Variants in SH3TC1 observed in about 807,000 individuals in gnomAD.
SH3TC1 encodes SH3 domain and tetratricopeptide repeat-containing protein 1.
SH3TC1 carries 135 observed loss-of-function variants against 117.3 expected under a neutral mutation model. The observed-to-expected ratio is 1.15, with a 90% CI of 1.00 to 1.33. SH3TC1 has a LOEUF of 1.33. Among genes scored for constraint, SH3TC1 ranks in the 40% most tolerant of loss-of-function variants. The pLI, the probability that SH3TC1 is intolerant of heterozygous loss-of-function variation, is 0.00. For synonymous variants in SH3TC1, 898 were observed against 816.9 expected (o/e 1.10, Z -1.69); for missense variants, 2,092 against 1,794.3 (o/e 1.17, Z -3.00).
chr4:8,232,472 T>C lies in SH3TC1; in HGVS notation c.3131+316T>C, dbSNP rs376781293. 54 of 1,451,870 alleles carry C rather than the reference T, an allele frequency of 3.7e-5. No homozygotes were observed. In the African/African-American group the frequency reaches 5.3e-4, roughly 14 times the overall value. 89.9% of individuals were successfully genotyped at this position (1,451,870 alleles called of 1,614,324 possible). On this transcript the variant is annotated intron_variant, in intron 13 of 17. Transcript: ENST00000245105. ...GGCTGTTCTTCCTACCTGGTGGCTT[T>C]TGTCATCTGACCTCTGCCTGCCCCG...
Position 8,218,274 on chromosome 4 carries a change from G to T in SH3TC1, c.843G>T (p.Trp281Cys), listed in dbSNP as rs1719505729. Residue 281 changes from tryptophan (W) to cysteine (C), a missense_variant, in exon 8 of 18, where the codon TGG becomes TGT. Transcript: ENST00000245105. Reference protein sequence around the residue: ...APEPLIPFHQWALRIPQDPID... With the variant: ...APEPLIPFHQCALRIPQDPID... ...GACCTCCCTCTTCCGGCTCCAGGTG[G>T]GCTCTTAGGATCCCCCAGGACCCCA... The T allele has an allele frequency of 6.2e-7, 1 of 1,609,984 alleles. No individual in the cohort carries two copies. The highest frequency in any genetic ancestry group is 1.3e-5 in the African/African-American group (1 of 74,842).
chr4:8,213,020 C>T, intron 4 of SH3TC1, 192 bp downstream of exon 4: 4 of 705,722 alleles, frequency 5.7e-6, no homozygotes, highest in Non-Finnish European at 2.3e-6. Context: ...CTCCCACTTG[C>T]TTTGTGGAGG....
chr4:8,228,363 T>C lies in SH3TC1; in HGVS notation c.2669T>C (p.Leu890Pro), dbSNP rs776854487. Residue 890 changes from leucine to proline, a missense_variant, in exon 12 of 18, where the codon CTG becomes CCG. Physicochemically the swap from Leu to Pro is moderately conservative, Grantham distance 98. Coordinates refer to ENST00000245105, the MANE Select transcript of SH3TC1 (RefSeq NM_018986.5). ...RQAAESYYRA[L>P]RVARDLGQQR... The stretch of plus-strand genomic sequence containing the variant: ...GCAGCTGAGAGCTACTACCGCGCCC[T>C]GCGGGTGGCTCGGGACCTGGGCCAG... The C allele has an allele frequency of 2.5e-6, 4 of 1,611,556 alleles. No individual in the cohort carries two copies. Among genetic ancestry groups the C allele is most frequent in the Non-Finnish European group, 2.5e-6 (3 of 1,179,564 alleles).
intron 1 of SH3TC1, among the ~76,000 whole-genome samples, chr4:8,200,711 G>A (rs899655905): frequency 3.3e-5 from 5 of 152,196 alleles, no homozygotes; most frequent in South Asian, 2.1e-4. Context: ...GTTCTCTCGC[G>A]GCTCTGGAGG....
Position 8,239,384 on chromosome 4 carries a change from C to T in SH3TC1, c.3754-1314C>T, listed in dbSNP as rs557382906. On this transcript the variant is annotated intron_variant, in intron 17 of 17. Transcript: ENST00000245105. ...ACACAGGCACACGCACACACAGGCA[C>T]AGGCCCCATGTACACACAGGCACAT... Among the ~76,000 whole-genome samples the T allele has an allele frequency of 1.3e-3, 186 of 148,692 alleles. 2 individuals are homozygous for T. The highest frequency in any genetic ancestry group is 4.6e-3 in the African/African-American group (180 of 39,222).
intron 1 of SH3TC1, among the ~76,000 whole-genome samples, chr4:8,187,893 A>G (rs1321902649): frequency 6.6e-6 from 1 of 151,972 alleles, no homozygotes. Context: ...CCACTGCTTT[A>G]CCTGTGTTTT....
chr4:8,223,605 A>G (rs1318313515), intron 10 of SH3TC1, among the ~76,000 whole-genome samples: 3 of 152,152 alleles, frequency 2.0e-5, no homozygotes, highest in African/African-American at 7.2e-5. Context: ...GGTGTAGATA[A>G]ACACAAATGT....
At chr4:8,202,524 C>G (rs909297384) in intron 1 of SH3TC1, among the ~76,000 whole-genome samples, 1 of 152,244 alleles carries the variant, frequency 6.6e-6, no homozygotes, top group African/African-American at 2.4e-5. Flanking sequence ...TCCCGGCCCC[C>G]ACAGGTCCTG....
Position 8,227,970 on chromosome 4 carries a change from ACAGCCTCC to A in SH3TC1, c.2278_2285del (p.Ser760CysfsTer122), listed in dbSNP as rs1421214571. 1 of 1,612,150 alleles carries A rather than the reference ACAGCCTCC, an allele frequency of 6.2e-7. No homozygotes were observed. Among genetic ancestry groups the A allele is most frequent in the African/African-American group, 1.3e-5 (1 of 74,852 alleles). On this transcript the variant is annotated frameshift_variant, in exon 12 of 18. Coordinates refer to ENST00000245105, the MANE Select transcript of SH3TC1 (RefSeq NM_018986.5). LOFTEE classifies it high-confidence loss of function. ...GTGCTCCAGAACGCCCCCCAGCCCC[ACAGCCTCC>A]CTGCCCAAACTTCCCACTACCTCAG...
intron 15 of SH3TC1, 154 bp downstream of exon 15, chr4:8,235,709 A>C: frequency 9.2e-7 from 1 of 1,092,126 alleles, no homozygotes; most frequent in Non-Finnish European, 1.3e-6. Flanking sequence ...AATGATATTG[A>C]CTGTGCCCCC....
intron 1 of SH3TC1, among the ~76,000 whole-genome samples, chr4:8,189,836 CAG>C (rs1233139959): frequency 6.6e-6 from 1 of 152,142 alleles, no homozygotes; most frequent in Non-Finnish European, 1.5e-5. Flanking sequence ...GCTCCCCGCA[CAG>C]AGTGTGGCCC....
chr4:8,239,182 G>C (rs138751252), intron 17 of SH3TC1, among the ~76,000 whole-genome samples: 53 of 152,206 alleles, frequency 3.5e-4, no homozygotes, highest in African/African-American at 1.2e-3. Context: ...GGCTCAGCCT[G>C]CCACCCACTA....
Position 8,233,509 on chromosome 4 carries a change from T to C in SH3TC1, c.3278T>C (p.Ile1093Thr). 6.2e-7 allele frequency: 1 copy of C among 1,608,504 alleles called. No individual in the cohort carries two copies. The highest frequency in any genetic ancestry group is 2.2e-5 in the East Asian group (1 of 44,818). The change falls in exon 14 of 18, where the codon ATC becomes ACC. Residue 1093 changes from isoleucine to threonine, a missense_variant. Coordinates refer to ENST00000245105, the MANE Select transcript of SH3TC1 (RefSeq NM_018986.5). ...CAGAGCGAGCTGGTGGACCTCTACA[T>C]CCAGGTGAGTGATGAGGGATGCAGG... ...LRQSELVDLYIQVAQNVALYT... is the reference protein window; with the variant it reads ...LRQSELVDLYTQVAQNVALYT...
rs1718472334 is a variant in SH3TC1, at chr4:8,209,564, T to C, written c.173-184T>C. The stretch of plus-strand genomic sequence containing the variant: ...CAGCTTGTCACAGCATGCTGGGAAG[T>C]GCAGGCAGCTTCCCTCCTTGCTGGG... On this transcript the variant is annotated intron_variant, in intron 2 of 17. Coordinates refer to ENST00000245105, the MANE Select transcript of SH3TC1 (RefSeq NM_018986.5). This position sits in a 1 kb window ranked among gnomAD's most constrained non-coding sequence, Gnocchi z 5.9. 1 of 1,372,686 alleles carries C rather than the reference T, an allele frequency of 7.3e-7. No homozygotes were observed. Among genetic ancestry groups the C allele is most frequent in the East Asian group, 2.5e-5 (1 of 39,810 alleles). The allele number at this position is 1,372,686 out of a possible 1,614,324, so 85.0% of individuals were successfully genotyped here. A position where few individuals can be genotyped will look rare whatever the true frequency, so the allele number is the denominator to read the frequency against.
chr4:8,218,493 C>T, intron 8 of SH3TC1, 146 bp downstream of exon 8: 2 of 564,384 alleles, frequency 3.5e-6, no homozygotes, highest in Non-Finnish European at 6.1e-6. Context: ...TTTGTTATTG[C>T]TTTCAATGGC....
intron 6 of SH3TC1, among the ~76,000 whole-genome samples, chr4:8,216,642 G>T (rs1303187565): frequency 1.3e-5 from 2 of 151,788 alleles, no homozygotes; most frequent in Non-Finnish European, 2.9e-5. Flanking sequence ...AGTGGCTGGG[G>T]TCACTGGGGC....
At chr4:8,213,140 G>A (rs1718901843) in intron 4 of SH3TC1, 2 of 376,954 alleles carry the variant, frequency 5.3e-6, no homozygotes, top group East Asian at 1.0e-4. Flanking sequence ...TCTCTTTGAT[G>A]GGGAGTTAAG....
chr4:8,207,062 T>C (rs1281131), intron 2 of SH3TC1, among the ~76,000 whole-genome samples: 41,068 of 140,986 alleles, frequency 0.29, 6,855 homozygotes, highest in South Asian at 0.43. Flanking sequence ...TTTATCCCAA[T>C]AATATCCTTT....
At chr4:8,224,756 T>TTAAAAAA in intron 10 of SH3TC1, 1 of 183,694 alleles carries the variant, frequency 5.4e-6, no homozygotes, top group South Asian at 1.2e-4. Flanking sequence ...TCAGAGCTGC[T>TTAAAAAA]GCCTGTTCAA....
Sources: gnomAD v4.1 joint callset for allele counts (sites outside exome capture counted in the v4.1 genomes callset) on GRCh38, gnomAD v4.1.1 for gene constraint, Gnocchi (gnomAD v3.1) non-coding constraint, MANE v1.5 for transcripts, NCBI Gene and HGNC (gene_info 2026-07-23, HGNC 2026-07-21) for gene names.